Variants in CSMD1 observed in about 807,000 individuals in gnomAD.
The protein encoded by CSMD1 is CUB and Sushi multiple domains 1.
In CSMD1, 213 loss-of-function variants were observed where a neutral mutation model predicts 417.5. The ratio of observed to expected loss-of-function variants is 0.51; its 90% CI spans 0.46 to 0.57. The LOEUF is 0.57. CSMD1 is among the 20% of genes least tolerant of loss of function. CSMD1 has a pLI of 0.00. For synonymous variants in CSMD1, 2,862 were observed against 1,736.8 expected, an observed-to-expected ratio of 1.65 and a Z score of -16.11; for missense variants, 6,923 against 4,529.7, an observed-to-expected ratio of 1.53 and a Z score of -15.17.
intron 5 of CSMD1, among the ~76,000 whole-genome samples, chr8:3,762,369 C>G (rs952938639): frequency 2.0e-5 from 3 of 152,216 alleles, no homozygotes; most frequent in Admixed American, 6.5e-5. Flanking sequence ...GAAGCCTGCC[C>G]TGATCTCTAA....
At chr8:3,348,896 G>C (rs895426695) in intron 21 of CSMD1, among the ~76,000 whole-genome samples, 26 of 152,164 alleles carry the variant, frequency 1.7e-4, no homozygotes, top group Non-Finnish European at 2.8e-4. Context: ...CTGTCTCACA[G>C]TGAAAGTGAA....
intron 1 of CSMD1, among the ~76,000 whole-genome samples, chr8:4,701,160 C>T (rs1188383932): frequency 1.3e-5 from 2 of 152,004 alleles, no homozygotes; most frequent in African/African-American, 4.8e-5. Flanking sequence ...TGTGGGCTCC[C>T]CCACAGCTAG....
At chr8:3,967,753 T>A (rs1369932694) in intron 5 of CSMD1, among the ~76,000 whole-genome samples, 1 of 152,132 alleles carries the variant, frequency 6.6e-6, no homozygotes, top group East Asian at 1.9e-4. Flanking sequence ...AGAAAGAACC[T>A]AATTTAATAT....
intron 50 of CSMD1, among the ~76,000 whole-genome samples, chr8:3,043,029 A>G (rs936866179): frequency 5.3e-5 from 8 of 151,646 alleles, no homozygotes; most frequent in African/African-American, 1.9e-4. Flanking sequence ...AATACTAGAT[A>G]TGACCTAGTA....
In CSMD1 at chr8:4,455,929, C is replaced by CAAAAAAAAAAAAAAA; in HGVS notation, c.303-35879_303-35865dup. ...GGGTGACAAAGTGAGACTCCAACTC[C>CAAAAAAAAAAAAAAA]AAAAAAAAAAAAAAAAAAAAAAAAA... On this transcript the variant is annotated intron_variant, in intron 2 of 69. Transcript: ENST00000635120. Among the ~76,000 whole-genome samples the CAAAAAAAAAAAAAAA allele has an allele frequency of 2.0e-3, 23 of 11,650 alleles. 3 individuals carry two copies. Among genetic ancestry groups the CAAAAAAAAAAAAAAA allele is most frequent in the East Asian group, 7.5e-3 (1 of 134 alleles). The allele number at this position is 11,650 out of a possible 152,430, so 7.6% of individuals were successfully genotyped here.
At chr8:4,711,468 AT>A in intron 1 of CSMD1, among the ~76,000 whole-genome samples, 1 of 152,262 alleles carries the variant, frequency 6.6e-6, no homozygotes, top group Non-Finnish European at 1.5e-5. Flanking sequence ...AGTACCTTTT[AT>A]TTTTGTAAAG....
chr8:4,589,584 G>C (rs1799885102), intron 2 of CSMD1, among the ~76,000 whole-genome samples: 1 of 152,144 alleles, frequency 6.6e-6, no homozygotes, highest in African/African-American at 2.4e-5. Context: ...GGACTTGCTT[G>C]CATTATTAAT....
intron 10 of CSMD1, among the ~76,000 whole-genome samples, chr8:3,549,361 CAGAT>C (rs1183466045): frequency 6.6e-6 from 1 of 152,190 alleles, no homozygotes; most frequent in Non-Finnish European, 1.5e-5. Flanking sequence ...CAAGTGGTCT[CAGAT>C]AGACAGATCT....
chr8:3,599,489 C>G (rs943851096), intron 8 of CSMD1, among the ~76,000 whole-genome samples: 5 of 152,058 alleles, frequency 3.3e-5, no homozygotes, highest in Admixed American at 2.0e-4. Flanking sequence ...GTAACCCCAA[C>G]GCAGAGTTAG....
chr8:4,836,180 A>C (rs1182862436), intron 1 of CSMD1, among the ~76,000 whole-genome samples: 1 of 152,214 alleles, frequency 6.6e-6, no homozygotes, highest in Non-Finnish European at 1.5e-5. Flanking sequence ...TAAATCGTTA[A>C]TTGTGAATTG....
chr8:4,866,822 C>T (rs142904992), intron 1 of CSMD1, among the ~76,000 whole-genome samples: 4 of 151,842 alleles, frequency 2.6e-5, no homozygotes, highest in Admixed American at 6.6e-5. Flanking sequence ...GGATCCTTAC[C>T]TTTTCATGAT....
At chr8:4,618,994 G>T (rs1484044062) in intron 2 of CSMD1, among the ~76,000 whole-genome samples, 3 of 152,132 alleles carry the variant, frequency 2.0e-5, no homozygotes, top group Admixed American at 1.3e-4. Flanking sequence ...ACCAGAAGGA[G>T]ATTAAAATAC....
chr8:4,392,084 A>T (rs1226413841), intron 3 of CSMD1, among the ~76,000 whole-genome samples: 4 of 152,166 alleles, frequency 2.6e-5, no homozygotes, highest in African/African-American at 9.7e-5. Context: ...CTGCAGCTGC[A>T]TGAGTGTCCA....
chr8:4,985,959 A>C (rs959669696), intron 1 of CSMD1, among the ~76,000 whole-genome samples: 7 of 152,198 alleles, frequency 4.6e-5, no homozygotes, highest in African/African-American at 7.2e-5. Context: ...TCTTGTAAAA[A>C]TGTGACTCTT....
At chr8:4,823,692 G>C (rs1359313753) in intron 1 of CSMD1, among the ~76,000 whole-genome samples, 1 of 152,012 alleles carries the variant, frequency 6.6e-6, no homozygotes, top group East Asian at 1.9e-4. Flanking sequence ...ATTCTCTATG[G>C]TGAGAATTAA....
At chr8:4,918,456 T>C (rs1439638010) in intron 1 of CSMD1, among the ~76,000 whole-genome samples, 1 of 152,162 alleles carries the variant, frequency 6.6e-6, no homozygotes, top group Non-Finnish European at 1.5e-5. Context: ...TGGACTTCAT[T>C]ACCCATTTTC....
intron 1 of CSMD1, among the ~76,000 whole-genome samples, chr8:4,653,413 T>C (rs1480511943): frequency 3.3e-5 from 5 of 152,114 alleles, no homozygotes; most frequent in African/African-American, 9.7e-5. Flanking sequence ...CTGGTAATTG[T>C]TTAATTCACA....
chr8:4,523,463 T>C (rs1266061517), intron 2 of CSMD1, among the ~76,000 whole-genome samples: 1 of 152,192 alleles, frequency 6.6e-6, no homozygotes, highest in Non-Finnish European at 1.5e-5. Context: ...AAAGTAAATA[T>C]TGAAACACAT....
At chr8:4,372,073 G>T (rs899064759) in intron 3 of CSMD1, among the ~76,000 whole-genome samples, 1 of 152,240 alleles carries the variant, frequency 6.6e-6, no homozygotes, top group African/African-American at 2.4e-5. Context: ...GTAGGTGGCT[G>T]AGGTGGAAGA....
Sources: gnomAD v4.1 joint callset for allele counts (sites outside exome capture counted in the v4.1 genomes callset) on GRCh38, gnomAD v4.1.1 for gene constraint, MANE v1.5 for transcripts, NCBI Gene and HGNC (gene_info 2026-07-23, HGNC 2026-07-21) for gene names.